NSD2: variants seen among roughly 807,000 people sequenced by gnomAD.
The protein encoded by NSD2 is histone-lysine N-methyltransferase NSD2.
In NSD2, 12 loss-of-function variants were observed where a neutral mutation model predicts 139.0. The ratio of observed to expected loss-of-function variants is 0.09; its 90% CI spans 0.06 to 0.14. NSD2 has a LOEUF of 0.14. Among genes scored for constraint, NSD2 ranks in the 10% least tolerant of loss-of-function variants. NSD2 has a pLI of 1.00. For missense variants in NSD2, 1,155 were observed against 1,745.0 expected, an observed-to-expected ratio of 0.66 and a Z score of 6.02; for synonymous variants, 669 against 648.7, an observed-to-expected ratio of 1.03 and a Z score of -0.48.
chr4:1,918,731 C>T, intron 5 of NSD2, 108 bp downstream of exon 5: 1 of 1,417,938 alleles, frequency 7.1e-7, no homozygotes, highest in East Asian at 2.3e-5. Context: ...CTAACATGAG[C>T]CTTGCATAGA....
intron 3 of NSD2, among the ~76,000 whole-genome samples, chr4:1,914,605 C>A (rs1055918391): frequency 6.6e-6 from 1 of 151,524 alleles, no homozygotes; most frequent in African/African-American, 2.4e-5. Flanking sequence ...GGATTACAGG[C>A]GTGAGCCACT....
intron 4 of NSD2, among the ~76,000 whole-genome samples, 187 bp from the exon 5 acceptor site, chr4:1,917,954 G>A (rs1171086526): frequency 6.6e-6 from 1 of 151,220 alleles, no homozygotes; most frequent in Non-Finnish European, 1.5e-5. Context: ...CTTATCTTTT[G>A]TATTTTAGTA....
rs555374240 is a variant in NSD2 at position 1,965,051 on chromosome 4, C to CAAAAAA, written c.3372+3919_3372+3924dup. On this transcript the variant is annotated intron_variant, in intron 18 of 21. Transcript: ENST00000508803. ...TAGACTTAACATGTCCAGTGTTCAG[C>CAAAAAA]AAAAAAAAAAAAAAAAAAAAAAAAG... is the stretch of plus-strand genomic sequence containing the variant. Among the ~76,000 whole-genome samples the CAAAAAA allele has an allele frequency of 7.6e-4, 36 of 47,174 alleles. 1 individual carries two copies. The highest frequency in any genetic ancestry group is 2.5e-3 in the African/African-American group (33 of 13,116). The allele number at this position is 47,174 out of a possible 152,430, so 30.9% of individuals were successfully genotyped here.
chr4:1,953,797 T>G (rs989809816), intron 12 of NSD2, among the ~76,000 whole-genome samples: 13 of 151,992 alleles, frequency 8.6e-5, no homozygotes, highest in Non-Finnish European at 1.6e-4. Context: ...CCCTGGCTTT[T>G]TTTTTTTTCT....
At position 1,976,480 on chromosome 4, in the gene NSD2, G is replaced by A. The variant is rs373789286; in HGVS notation, c.3627G>A (p.Ser1209=). The A allele has an allele frequency of 8.7e-6, 14 of 1,613,056 alleles. No individual in the cohort carries two copies. The highest frequency in any genetic ancestry group is 2.7e-5 in the African/African-American group (2 of 74,872). The change falls in exon 21 of 22, where the codon TCG becomes TCA. Residue 1209 remains serine (S), a synonymous_variant. Transcript: ENST00000508803. This position sits in a 1 kb window ranked among gnomAD's most constrained non-coding sequence, Gnocchi z 5.3. ...SGFLGDRPKT[S]TTLSSEEKGK... is the part of the protein sequence containing the mutation. ...TGCTTAATTCTTGACTCTAGACCTCGACGACCCTTTCATCAGAGGAAAAGG... is the reference window on the plus strand; with the variant it reads ...TGCTTAATTCTTGACTCTAGACCTCAACGACCCTTTCATCAGAGGAAAAGG...
intron 7 of NSD2, 51 bp from the exon 8 acceptor site, chr4:1,938,400 T>C: frequency 8.0e-7 from 1 of 1,257,810 alleles, no homozygotes; most frequent in Non-Finnish European, 1.0e-6. Flanking sequence ...TTTTTTCTTT[T>C]CTTTTTTTTT....
Position 1,939,752 on chromosome 4 carries a change from CCTT to C in NSD2, c.1858_1860del (p.Ser620del), listed in dbSNP as rs2108897391. 1 of 1,614,200 alleles carries C rather than the reference CCTT, an allele frequency of 6.2e-7. No individual in the cohort carries two copies. Among genetic ancestry groups the C allele is most frequent in the Non-Finnish European group, 8.5e-7 (1 of 1,180,030 alleles). On this transcript the variant is annotated inframe_deletion, in exon 9 of 22. Coordinates refer to ENST00000508803, the MANE Select transcript of NSD2 (RefSeq NM_001042424.3). ...TCTTGGGTTTAGCAAAAGTTCATCT[CCTT>C]CTGCATCCTTAACTGAGAATGAGGT...
intron 9 of NSD2, chr4:1,945,179 G>C: frequency 9.4e-7 from 1 of 1,067,064 alleles, no homozygotes; most frequent in Non-Finnish European, 1.1e-6. Flanking sequence ...TCACACAGAA[G>C]CCTAGGTAGA....
intron 18 of NSD2, among the ~76,000 whole-genome samples, chr4:1,968,472 A>T (rs1726108594): frequency 6.6e-6 from 1 of 152,224 alleles, no homozygotes; most frequent in African/African-American, 2.4e-5. Flanking sequence ...GTTAAAGTAT[A>T]CATGTGACGT....
At chr4:1,906,865 T>C (rs953524349) in intron 3 of NSD2, among the ~76,000 whole-genome samples, 1 of 151,912 alleles carries the variant, frequency 6.6e-6, no homozygotes, top group African/African-American at 2.4e-5. Flanking sequence ...TTCACCATAT[T>C]GGCCAGGCTG....
In NSD2 at chr4:1,883,072, T is replaced by C. The variant is rs537888552; in HGVS notation, c.-30+11530T>C. Among the ~76,000 whole-genome samples the C allele has an allele frequency of 4.6e-5, 7 of 152,130 alleles. No homozygotes were observed. In the East Asian group the frequency reaches 9.7e-4, roughly 21 times the overall value. ...AGGCCTCTGGAGTAAAATTGATAAG[T>C]TGTGTTGTTTGGGATAAGGAGAGAT... On this transcript the variant is annotated intron_variant, in intron 1 of 21. Coordinates refer to ENST00000508803, the MANE Select transcript of NSD2 (RefSeq NM_001042424.3).
At position 1,951,911 on chromosome 4, in the gene NSD2, G is replaced by A. The variant is rs998194684; in HGVS notation, c.2014-197G>A. ...TGAGGACTGGCCTCTTTCTGTAACA[G>A]TCATCTGGTTTTAATCTGATTCTGT... On this transcript the variant is annotated intron_variant, in intron 10 of 21. Coordinates refer to ENST00000508803, the MANE Select transcript of NSD2 (RefSeq NM_001042424.3). 4.9e-6 allele frequency: 4 copies of A among 811,136 alleles called. No homozygotes were observed. In the African/African-American group the frequency reaches 7.0e-5, roughly 14 times the overall value. 50.2% of individuals were successfully genotyped at this position (811,136 alleles called of 1,614,324 possible). A position where few individuals can be genotyped will look rare whatever the true frequency, so the allele number is the denominator to read the frequency against.
At chr4:1,873,086 A>G (rs1353512250) in intron 1 of NSD2, among the ~76,000 whole-genome samples, 1 of 152,204 alleles carries the variant, frequency 6.6e-6, no homozygotes, top group African/African-American at 2.4e-5. Flanking sequence ...TTTAAGCACG[A>G]TTACTTTGAG....
chr4:1,896,134 C>T (rs542955496), intron 1 of NSD2, among the ~76,000 whole-genome samples: 38 of 152,358 alleles, frequency 2.5e-4, no homozygotes, highest in Non-Finnish European at 5.0e-4. Flanking sequence ...GTCCAGACAG[C>T]AGCTCCACAC....
intron 9 of NSD2, chr4:1,944,788 T>G: frequency 9.4e-7 from 1 of 1,064,214 alleles, no homozygotes; most frequent in Non-Finnish European, 1.1e-6. Context: ...GATGGATCTT[T>G]GGGCCTTTCC....
At chr4:1,949,925 G>C (rs2108935674) in intron 9 of NSD2, among the ~76,000 whole-genome samples, 1 of 152,318 alleles carries the variant, frequency 6.6e-6, no homozygotes, top group Non-Finnish European at 1.5e-5. Flanking sequence ...GTCCCTGGTG[G>C]GGTTGGCTTT....
intron 9 of NSD2, chr4:1,940,403 T>C: frequency 9.4e-7 from 1 of 1,063,600 alleles, no homozygotes. Flanking sequence ...CATTTGGGGC[T>C]GCTGCCTGCC....
intron 7 of NSD2, among the ~76,000 whole-genome samples, chr4:1,935,697 T>A (rs1030693824): frequency 1.3e-5 from 2 of 151,992 alleles, no homozygotes; most frequent in African/African-American, 4.8e-5. Context: ...CCGTCTCTAC[T>A]AAAAATACAA....
chr4:1,916,135 T>C (rs6814391), intron 3 of NSD2, among the ~76,000 whole-genome samples: 14,220 of 152,014 alleles, frequency 0.094, 2,054 homozygotes, highest in African/African-American at 0.31. Flanking sequence ...CTCCTGTCAC[T>C]CTAGCACTGT....
Sources: gnomAD v4.1 joint callset for allele counts (sites outside exome capture counted in the v4.1 genomes callset) on GRCh38, gnomAD v4.1.1 for gene constraint, Gnocchi (gnomAD v3.1) non-coding constraint, MANE v1.5 for transcripts, NCBI Gene and HGNC (gene_info 2026-07-23, HGNC 2026-07-21) for gene names.